Variants in DAB2IP observed in about 807,000 individuals in gnomAD.
DAB2IP encodes DAB2 interacting protein.
In DAB2IP, 28 loss-of-function variants were observed where a neutral mutation model predicts 107.2. The ratio of observed to expected loss-of-function variants is 0.26; its 90% CI spans 0.19 to 0.36. The LOEUF is 0.36. Among genes scored for constraint, DAB2IP ranks in the 10% least tolerant of loss-of-function variants. The probability of loss-of-function intolerance (pLI) is 1.00; values close to 1 mark genes in which losing one functional copy is unlikely to be tolerated. For missense variants in DAB2IP, 1,400 were observed against 1,644.7 expected (o/e 0.85, Z 2.57); for synonymous variants, 755 against 706.4 (o/e 1.07, Z -1.09).
chr9:121,784,800 A>G (rs1234902385), exon 16 of DAB2IP: 1 of 153,354 alleles, frequency 6.5e-6, no homozygotes, highest in Non-Finnish European at 1.5e-5. Context: ...TGCCTGTGGC[A>G]TTTGTGTGTT....
chr9:121,589,916 CTCCCT>C (rs145754287), intron 1 of DAB2IP, among the ~76,000 whole-genome samples: 2,249 of 92,970 alleles, frequency 0.024, 45 homozygotes, highest in East Asian at 0.035. Context: ...CCCAGTCCTG[CTCCCT>C]TCCCTTCCCT....
At chr9:121,645,323 G>A (rs955109558) in intron 1 of DAB2IP, among the ~76,000 whole-genome samples, 9 of 152,192 alleles carry the variant, frequency 5.9e-5, no homozygotes, top group Admixed American at 3.9e-4. Context: ...CTGGGGCCTG[G>A]AGAGTGGATT....
chr9:121,756,882 C>T (rs575453426), intron 3 of DAB2IP, 131 bp from the exon 4 acceptor site: 1 of 1,271,212 alleles, frequency 7.9e-7, no homozygotes, highest in Non-Finnish European at 1.1e-6. Context: ...TGTCTTAAGA[C>T]AGAAAGGAGA....
intron 6 of DAB2IP, among the ~76,000 whole-genome samples, chr9:121,761,278 G>T (rs542614050): frequency 6.6e-6 from 1 of 152,356 alleles, no homozygotes; most frequent in African/African-American, 2.4e-5. Flanking sequence ...GGCCAAAGAG[G>T]GTGGGAAAAA....
chr9:121,758,792 A>G (rs182225070), intron 4 of DAB2IP, 106 bp from the exon 5 acceptor site: 2 of 946,364 alleles, frequency 2.1e-6, no homozygotes, highest in African/African-American at 1.6e-5. Context: ...GCTGTGATGC[A>G]GACCTGATGG....
At chr9:121,783,511 ACTGTGATTTT>A in exon 16 of DAB2IP, 1 of 1,614,136 alleles carries the variant, frequency 6.2e-7, no homozygotes. Flanking sequence ...AAGGTGGATA[ACTGTGATTTT>A]TTTTCCTTTC....
intron 1 of DAB2IP, among the ~76,000 whole-genome samples, chr9:121,632,608 C>T (rs1831936667): frequency 6.6e-6 from 1 of 152,176 alleles, no homozygotes; most frequent in African/African-American, 2.4e-5. Flanking sequence ...TAGACTCCCA[C>T]CCCCCAGGAA....
chr9:121,770,858 C>T (rs1462615456), intron 11 of DAB2IP, 134 bp downstream of exon 11: 3 of 1,240,962 alleles, frequency 2.4e-6, no homozygotes, highest in African/African-American at 1.5e-5. Context: ...TTGAGTTGTA[C>T]AGGTCCTAAG....
chr9:121,746,809 G>C (rs1227470923), intron 3 of DAB2IP, among the ~76,000 whole-genome samples: 1 of 152,190 alleles, frequency 6.6e-6, no homozygotes, highest in East Asian at 1.9e-4. Context: ...TTTCCCACTT[G>C]GGTCTCGCAT....
intron 14 of DAB2IP, among the ~76,000 whole-genome samples, chr9:121,777,027 G>A (rs1346913387): frequency 6.6e-6 from 1 of 152,170 alleles, no homozygotes; most frequent in East Asian, 1.9e-4. Context: ...GAAGGCTTAT[G>A]TCAGGCCCCA....
rs951236202 is a variant in DAB2IP, at chr9:121,693,526, A to G, written c.229-5799A>G. On this transcript the variant is annotated intron_variant, in intron 2 of 15. Transcript: ENST00000408936. ...TATTGAGAGACATGCCTGTCAAAAC[A>G]GTCTCCCTTCTCCAAGGCTCTCTCT... is the stretch of plus-strand genomic sequence containing the variant. Among the ~76,000 whole-genome samples, 5 of 152,342 alleles carry G rather than the reference A, an allele frequency of 3.3e-5. No individual in the cohort carries two copies. The East Asian group carries it at 9.7e-4, about 29-fold the overall frequency.
intron 1 of DAB2IP, among the ~76,000 whole-genome samples, chr9:121,610,320 A>G (rs1831047447): frequency 6.6e-6 from 1 of 152,154 alleles, no homozygotes; most frequent in Non-Finnish European, 1.5e-5. Context: ...TGTAATGATA[A>G]TACCTAGCAG....
chr9:121,757,022 G>T, exon 4 of DAB2IP: 1 of 1,614,122 alleles, frequency 6.2e-7, no homozygotes, highest in Non-Finnish European at 8.5e-7. Context: ...GGTCCCATCT[G>T]ATGCCGAGGC....
Position 121,652,433 on chromosome 9 carries a change from G to C in DAB2IP, c.124+534G>C, listed in dbSNP as rs2119062247. Among the ~76,000 whole-genome samples the C allele has an allele frequency of 2.0e-5, 3 of 152,308 alleles. 1 individual carries two copies. The South Asian group carries it at 6.2e-4, about 32-fold the overall frequency. ...CAAGCTCAGGAGGCAGGACGAGACG[G>C]AGGGGGAGGTGCGAGCAGCATTTTC... On this transcript the variant is annotated intron_variant, in intron 1 of 15. Coordinates refer to ENST00000408936, the Ensembl canonical transcript of DAB2IP.
intron 13 of DAB2IP, among the ~76,000 whole-genome samples, chr9:121,774,824 C>T (rs1357864108): frequency 6.6e-6 from 1 of 152,096 alleles, no homozygotes; most frequent in African/African-American, 2.4e-5. Flanking sequence ...GCATGGGTCC[C>T]CAGGATGGCT....
chr9:121,573,567 A>T (rs1829998420), intron 1 of DAB2IP, among the ~76,000 whole-genome samples: 1 of 151,390 alleles, frequency 6.6e-6, no homozygotes, highest in African/African-American at 2.4e-5. Flanking sequence ...CTGTTTTTGT[A>T]GAGATGGGGT....
At chr9:121,589,503 C>T (rs959889239) in intron 1 of DAB2IP, among the ~76,000 whole-genome samples, 4 of 152,148 alleles carry the variant, frequency 2.6e-5, no homozygotes, top group African/African-American at 9.7e-5. Context: ...GCCATTCCTG[C>T]CCCGCTCCCA....
At chr9:121,780,826 C>G (rs915032406) in intron 14 of DAB2IP, among the ~76,000 whole-genome samples, 1 of 152,182 alleles carries the variant, frequency 6.6e-6, no homozygotes, top group Non-Finnish European at 1.5e-5. Flanking sequence ...CCCCCAGCTA[C>G]TGCTCATTGT....
intron 2 of DAB2IP, among the ~76,000 whole-genome samples, chr9:121,686,612 C>A (rs1828891681): frequency 1.3e-5 from 2 of 152,174 alleles, no homozygotes; most frequent in Admixed American, 1.3e-4. Context: ...GGGATAGTCC[C>A]CCCAACCCAG....
Sources: allele counts gnomAD v4.1 joint callset (sites outside exome capture counted in the v4.1 genomes callset), GRCh38; gene constraint gnomAD v4.1.1; transcripts MANE v1.5; gene names NCBI Gene and HGNC (gene_info 2026-07-23, HGNC 2026-07-21).